GRIN2A: variants seen among roughly 807,000 people sequenced by gnomAD.
GRIN2A encodes glutamate receptor ionotropic, NMDA 2A.
GRIN2A carries 22 observed loss-of-function variants against 113.4 expected under a neutral mutation model. The observed-to-expected ratio is 0.19, with a 90% CI of 0.14 to 0.28. GRIN2A has a LOEUF of 0.28. Among genes scored for constraint, GRIN2A ranks in the 10% least tolerant of loss-of-function variants. The probability of loss-of-function intolerance (pLI) is 1.00; values close to 1 mark genes in which losing one functional copy is unlikely to be tolerated. For synonymous variants in GRIN2A, 827 were observed against 738.4 expected, an observed-to-expected ratio of 1.12 and a Z score of -1.94; for missense variants, 1,502 against 1,887.0, an observed-to-expected ratio of 0.80 and a Z score of 3.78.
At chr16:10,117,063 A>G (rs2048741900) in intron 2 of GRIN2A, among the ~76,000 whole-genome samples, 1 of 53,448 alleles carries the variant, frequency 1.9e-5, no homozygotes, top group Non-Finnish European at 4.3e-5. Flanking sequence ...AAGTGACTGA[A>G]AAAAAAAAAA....
rs1345280127 is a variant in GRIN2A, at chr16:9,761,066, G to A, written c.*2083C>T. 1 of 232,762 alleles carries A rather than the reference G, an allele frequency of 4.3e-6. No homozygotes were observed. Among genetic ancestry groups the A allele is most frequent in the African/African-American group, 2.2e-5 (1 of 45,394 alleles). 14.4% of individuals were successfully genotyped at this position (232,762 alleles called of 1,614,324 possible). A position where few individuals can be genotyped will look rare whatever the true frequency, so the allele number is the denominator to read the frequency against. On this transcript the variant is annotated 3_prime_UTR_variant, in exon 13 of 13. Transcript: ENST00000330684. ...CACATGCATCCCCAGCACCTAGTCA[G>A]CCCCTTCTGCCTTTCAAAAATGAAA...
chr16:9,781,474 C>T (rs951130173), intron 11 of GRIN2A, among the ~76,000 whole-genome samples: 2 of 152,158 alleles, frequency 1.3e-5, no homozygotes, highest in Non-Finnish European at 2.9e-5. Context: ...GATCCTCCCA[C>T]CTCAGCTTCC....
intron 3 of GRIN2A, among the ~76,000 whole-genome samples, chr16:9,901,742 C>A (rs1195201476): frequency 6.6e-6 from 1 of 152,202 alleles, no homozygotes; most frequent in African/African-American, 2.4e-5. Flanking sequence ...TGAGCCACCA[C>A]ATCCCACGCC....
At chr16:10,017,132 A>G (rs2046625030) in intron 2 of GRIN2A, among the ~76,000 whole-genome samples, 1 of 152,238 alleles carries the variant, frequency 6.6e-6, no homozygotes, top group Non-Finnish European at 1.5e-5. Flanking sequence ...TCAAGCCCCA[A>G]GTGAAATGGC....
intron 2 of GRIN2A, among the ~76,000 whole-genome samples, chr16:9,944,686 G>A (rs2044975482): frequency 6.6e-6 from 1 of 152,082 alleles, no homozygotes; most frequent in Admixed American, 6.5e-5. Context: ...AGGGCACCGT[G>A]CCCTCCTGAC....
At chr16:10,009,449 C>A (rs2046463074) in intron 2 of GRIN2A, among the ~76,000 whole-genome samples, 1 of 152,114 alleles carries the variant, frequency 6.6e-6, no homozygotes, top group Non-Finnish European at 1.5e-5. Flanking sequence ...GAGCGACATA[C>A]TGTAATAGAG....
chr16:10,165,655 G>C (rs1038573433), intron 2 of GRIN2A, among the ~76,000 whole-genome samples: 12 of 130,314 alleles, frequency 9.2e-5, no homozygotes, highest in Non-Finnish European at 1.7e-4. Flanking sequence ...GAGAGACAGA[G>C]ACAGAGAGAG....
At chr16:9,903,686 G>A (rs556073828) in intron 3 of GRIN2A, among the ~76,000 whole-genome samples, 1 of 152,176 alleles carries the variant, frequency 6.6e-6, no homozygotes, top group South Asian at 2.1e-4. Context: ...ACTCCTTCAG[G>A]TTAGACGCAT....
chr16:9,958,550 T>G (rs1000832427), intron 2 of GRIN2A, among the ~76,000 whole-genome samples: 1 of 152,130 alleles, frequency 6.6e-6, no homozygotes, highest in South Asian at 2.1e-4. Flanking sequence ...AATCCGTATT[T>G]TTAAGTAGAT....
intron 8 of GRIN2A, among the ~76,000 whole-genome samples, chr16:9,831,427 C>G (rs768920286): frequency 1.3e-5 from 2 of 152,034 alleles, no homozygotes; most frequent in African/African-American, 4.8e-5. Flanking sequence ...TCCCCACACA[C>G]TATCTGGATA....
At chr16:9,886,614 A>G (rs2043591257) in intron 4 of GRIN2A, among the ~76,000 whole-genome samples, 1 of 152,150 alleles carries the variant, frequency 6.6e-6, no homozygotes, top group South Asian at 2.1e-4. Flanking sequence ...AGTACAGAAA[A>G]TATTTTTTCT....
chr16:9,999,438 T>G (rs192750462), intron 2 of GRIN2A, among the ~76,000 whole-genome samples: 1 of 152,214 alleles, frequency 6.6e-6, no homozygotes, highest in East Asian at 1.9e-4. Flanking sequence ...TCATGTCTTT[T>G]GTAGGGACAT....
At chr16:9,992,107 A>G (rs1219243618) in intron 2 of GRIN2A, among the ~76,000 whole-genome samples, 1 of 152,184 alleles carries the variant, frequency 6.6e-6, no homozygotes, top group East Asian at 1.9e-4. Context: ...AGTTCCCTCC[A>G]TGTTGCTTCG....
intron 4 of GRIN2A, among the ~76,000 whole-genome samples, chr16:9,854,334 G>C (rs1347155413): frequency 6.6e-6 from 1 of 150,914 alleles, no homozygotes; most frequent in Non-Finnish European, 1.5e-5. Flanking sequence ...AATAGCCTTT[G>C]GGTATTAAAT....
chr16:10,151,547 C>T (rs1208739913), intron 2 of GRIN2A, among the ~76,000 whole-genome samples: 1 of 152,206 alleles, frequency 6.6e-6, no homozygotes, highest in Non-Finnish European at 1.5e-5. Flanking sequence ...ATTTTTAGGA[C>T]ATCTCTTTGC....
At chr16:9,918,394 G>A (rs1396314828) in intron 3 of GRIN2A, among the ~76,000 whole-genome samples, 1 of 152,230 alleles carries the variant, frequency 6.6e-6, no homozygotes, top group Non-Finnish European at 1.5e-5. Context: ...AGGCACTGTA[G>A]GAGATTAACA....
intron 2 of GRIN2A, among the ~76,000 whole-genome samples, chr16:10,144,504 G>A (rs559945022): frequency 2.0e-5 from 3 of 151,982 alleles, no homozygotes; most frequent in Non-Finnish European, 4.4e-5. Context: ...TTTTTTAATT[G>A]TCCATTTAAT....
chr16:9,907,101 C>T lies in GRIN2A; in HGVS notation c.1008-16001G>A, dbSNP rs151112535. Among the ~76,000 whole-genome samples, 1,234 of 152,290 alleles carry T rather than the reference C, an allele frequency of 8.1e-3. 16 individuals are homozygous for T. Among genetic ancestry groups the T allele is most frequent in the African/African-American group, 0.028 (1,155 of 41,556 alleles). ...GTGCTGGGATTACAGGCATGAATCA[C>T]GATGCCTGACCACAAAAGTCTTGTT... On this transcript the variant is annotated intron_variant, in intron 3 of 12. Coordinates refer to ENST00000330684, the MANE Select transcript of GRIN2A (RefSeq NM_001134407.3).
intron 2 of GRIN2A, among the ~76,000 whole-genome samples, chr16:10,144,615 C>A (rs900973099): frequency 7.9e-5 from 12 of 152,090 alleles, no homozygotes; most frequent in Admixed American, 7.9e-4. Flanking sequence ...CTATAGGATA[C>A]CTTTTCATTC....
Sources: gnomAD v4.1 joint callset for allele counts (sites outside exome capture counted in the v4.1 genomes callset) on GRCh38, gnomAD v4.1.1 for gene constraint, MANE v1.5 for transcripts, NCBI Gene and HGNC (gene_info 2026-07-23, HGNC 2026-07-21) for gene names.